PRKCI: variants seen among roughly 807,000 people sequenced by gnomAD.
The protein encoded by PRKCI is protein kinase C iota type.
In PRKCI, 43 loss-of-function variants were observed where a neutral mutation model predicts 84.0. The observed-to-expected ratio is 0.51, with a 90% CI of 0.40 to 0.66. PRKCI has a LOEUF of 0.66. Ranked by LOEUF, PRKCI falls within the 30% of genes least tolerant of loss-of-function variation. The pLI, the probability that PRKCI is intolerant of heterozygous loss-of-function variation, is 0.00. For synonymous variants in PRKCI, 216 were observed against 234.4 expected, an observed-to-expected ratio of 0.92 and a Z score of 0.72; for missense variants, 459 against 745.6, an observed-to-expected ratio of 0.62 and a Z score of 4.48.
chr3:170,280,228 CA>C lies in PRKCI; in HGVS notation c.709del (p.Met237Ter). On this transcript the variant is annotated frameshift_variant and splice_region_variant, in exon 9 of 18. Transcript: ENST00000295797. LOFTEE classifies it high-confidence loss of function. ...CTCTGATACAAATGTTCTCAACAGG[CA>C]ATGAACACCAGGGAAAGTGGCAAAG... ...SLDQVGEEKE[A>X]MNTRESGKAS... The C allele has an allele frequency of 6.2e-7, 1 of 1,609,072 alleles. No individual in the cohort carries two copies. The highest frequency in any genetic ancestry group is 8.5e-7 in the Non-Finnish European group (1 of 1,178,714).
intron 2 of PRKCI, among the ~76,000 whole-genome samples, chr3:170,250,131 G>A (rs2108843865): frequency 6.6e-6 from 1 of 152,012 alleles, no homozygotes; most frequent in East Asian, 1.9e-4. Context: ...AAATTAGCTG[G>A]ACGTGGTGGC....
chr3:170,243,636 A>G (rs183361616), intron 2 of PRKCI, among the ~76,000 whole-genome samples: 2 of 152,352 alleles, frequency 1.3e-5, no homozygotes, highest in African/African-American at 2.4e-5. Context: ...TCCCAGGCAC[A>G]TCCTTGGGCA....
chr3:170,268,349 A>G (rs1004018033), intron 5 of PRKCI, among the ~76,000 whole-genome samples: 1 of 152,022 alleles, frequency 6.6e-6, no homozygotes, highest in Non-Finnish European at 1.5e-5. Context: ...GTGCAGTCAC[A>G]TGCACCTGTA....
chr3:170,226,655 C>T (rs182681803), intron 1 of PRKCI, among the ~76,000 whole-genome samples: 6 of 152,266 alleles, frequency 3.9e-5, no homozygotes, highest in Admixed American at 3.9e-4. Context: ...ATAGCTGCTT[C>T]AGTGAAGAAG....
At position 170,296,032 on chromosome 3, in the gene PRKCI, C is replaced by A. The variant is rs770619518; in HGVS notation, c.1497+42C>A. ...AGAATATTTTGTGATTTGTCTCTTT[C>A]TATATATATCAAACTGGTCAGTAGC... On this transcript the variant is annotated intron_variant, in intron 15 of 17. Transcript: ENST00000295797. 6 of 1,179,590 alleles carry A rather than the reference C, an allele frequency of 5.1e-6. No individual in the cohort carries two copies. The East Asian group carries it at 1.6e-4, about 31-fold the overall frequency. The allele number at this position is 1,179,590 out of a possible 1,614,324, so 73.1% of individuals were successfully genotyped here. A position where few individuals can be genotyped will look rare whatever the true frequency, so the allele number is the denominator to read the frequency against.
intron 2 of PRKCI, among the ~76,000 whole-genome samples, chr3:170,242,867 T>G (rs1382235733): frequency 1.3e-5 from 2 of 151,772 alleles, no homozygotes; most frequent in Non-Finnish European, 2.9e-5. Context: ...GATGGGGTTT[T>G]GCAGTGTTGG....
intron 1 of PRKCI, among the ~76,000 whole-genome samples, chr3:170,228,616 T>TATAC (rs142544612): frequency 2.6e-4 from 38 of 147,282 alleles, no homozygotes; most frequent in Admixed American, 8.1e-4. Flanking sequence ...TATATATATA[T>TATAC]ACACACACAC....
chr3:170,243,126 G>C (rs576278835), intron 2 of PRKCI, among the ~76,000 whole-genome samples: 27 of 152,254 alleles, frequency 1.8e-4, no homozygotes, highest in African/African-American at 6.3e-4. Context: ...AGTTGGATGA[G>C]TTTTGATACC....
At chr3:170,254,157 AG>A (rs1200879602) in intron 2 of PRKCI, among the ~76,000 whole-genome samples, 2 of 137,364 alleles carry the variant, frequency 1.5e-5, no homozygotes, top group Non-Finnish European at 3.1e-5. Flanking sequence ...TCAGATTATT[AG>A]GTTTTTTTTT....
At chr3:170,224,678 C>T (rs1316206089) in intron 1 of PRKCI, among the ~76,000 whole-genome samples, 1 of 152,076 alleles carries the variant, frequency 6.6e-6, no homozygotes, top group Non-Finnish European at 1.5e-5. Context: ...CATGTGCCAC[C>T]ACACCCGGCT....
At chr3:170,263,515 C>A in intron 4 of PRKCI, 86 bp downstream of exon 4, 1 of 1,229,948 alleles carries the variant, frequency 8.1e-7, no homozygotes, top group Non-Finnish European at 1.2e-6. Context: ...GAATTTTTAG[C>A]TAGGTGCAGT....
chr3:170,276,658 A>C (rs1246369169), intron 8 of PRKCI, among the ~76,000 whole-genome samples: 1 of 152,134 alleles, frequency 6.6e-6, no homozygotes, highest in African/African-American at 2.4e-5. Flanking sequence ...TAAAGATTTA[A>C]ATGTAATACC....
chr3:170,239,498 C>G (rs532736934), intron 2 of PRKCI, among the ~76,000 whole-genome samples: 7 of 152,142 alleles, frequency 4.6e-5, no homozygotes, highest in Non-Finnish European at 1.0e-4. Context: ...TTTCAAATTG[C>G]AGCACACATA....
chr3:170,233,382 C>T (rs1732854742), intron 1 of PRKCI, among the ~76,000 whole-genome samples: 1 of 151,794 alleles, frequency 6.6e-6, no homozygotes, highest in Admixed American at 6.6e-5. Flanking sequence ...CTAAATTTGC[C>T]ATTTTGGGAA....
At chr3:170,293,183 T>C in intron 13 of PRKCI, 200 bp from the exon 14 acceptor site, 2 of 414,494 alleles carry the variant, frequency 4.8e-6, no homozygotes, top group Non-Finnish European at 4.2e-6. Flanking sequence ...TAATTTTATT[T>C]TTAAAATTAT....
intron 12 of PRKCI, among the ~76,000 whole-genome samples, chr3:170,286,800 A>AT (rs1175711995): frequency 1.4e-5 from 2 of 146,614 alleles, no homozygotes; most frequent in South Asian, 4.3e-4. Flanking sequence ...TTTTTATTTT[A>AT]TTTTTACTTT....
intron 6 of PRKCI, among the ~76,000 whole-genome samples, chr3:170,272,356 A>G (rs1734025090): frequency 6.6e-6 from 1 of 152,322 alleles, no homozygotes; most frequent in African/African-American, 2.4e-5. Flanking sequence ...ATGTTTATTC[A>G]TGGGACTTGC....
At chr3:170,271,865 G>A (rs1006805422) in intron 6 of PRKCI, among the ~76,000 whole-genome samples, 12 of 152,030 alleles carry the variant, frequency 7.9e-5, no homozygotes, top group African/African-American at 2.9e-4. Context: ...ACAGAGCCTC[G>A]CTCTGTCTTC....
chr3:170,266,545 C>T (rs1733859185), intron 4 of PRKCI, among the ~76,000 whole-genome samples: 1 of 147,698 alleles, frequency 6.8e-6, no homozygotes, highest in Admixed American at 6.9e-5. Flanking sequence ...TAACCAGACT[C>T]TTTAAAAAAA....
Sources: gnomAD v4.1 joint callset for allele counts (sites outside exome capture counted in the v4.1 genomes callset) on GRCh38, gnomAD v4.1.1 for gene constraint, MANE v1.5 for transcripts, NCBI Gene and HGNC (gene_info 2026-07-23, HGNC 2026-07-21) for gene names.